Variants in ANO4 observed in about 807,000 individuals in gnomAD.
ANO4 encodes the protein anoctamin-4.
In ANO4, 69 loss-of-function variants were observed where a neutral mutation model predicts 141.9. The ratio of observed to expected loss-of-function variants is 0.49; its 90% confidence interval spans 0.40 to 0.59. The LOEUF is 0.59. ANO4 is among the 20% of genes least tolerant of loss of function. The pLI is 0.00. For missense variants in ANO4, 894 were observed against 1,162.2 expected, an observed-to-expected ratio of 0.77 and a Z score of 3.36; for synonymous variants, 350 against 394.3, an observed-to-expected ratio of 0.89 and a Z score of 1.33.
At chr12:100,884,843 C>T (rs371220616) in intron 1 of ANO4, among the ~76,000 whole-genome samples, 1 of 152,162 alleles carries the variant, frequency 6.6e-6, no homozygotes, top group Admixed American at 6.5e-5. Flanking sequence ...TACAGGCATG[C>T]GCAACCATGC....
At chr12:100,919,874 A>G (rs906842738) in intron 2 of ANO4, among the ~76,000 whole-genome samples, 15 of 151,966 alleles carry the variant, frequency 9.9e-5, no homozygotes, top group African/African-American at 3.1e-4. Flanking sequence ...TTGAAGACAG[A>G]ATTTAATGGC....
intron 3 of ANO4, among the ~76,000 whole-genome samples, chr12:100,747,193 G>A (rs747438528): frequency 6.6e-6 from 1 of 152,190 alleles, no homozygotes; most frequent in Non-Finnish European, 1.5e-5. Flanking sequence ...CTGAAGCTCT[G>A]CTTAGTGGCA....
chr12:100,980,876 T>C (rs2044428875), intron 7 of ANO4, among the ~76,000 whole-genome samples: 1 of 152,156 alleles, frequency 6.6e-6, no homozygotes, highest in South Asian at 2.1e-4. Flanking sequence ...GAGGAATTTA[T>C]CATCTTTTGG....
intron 3 of ANO4, among the ~76,000 whole-genome samples, chr12:100,747,256 G>C (rs2032151984): frequency 6.6e-6 from 1 of 152,106 alleles, no homozygotes; most frequent in Admixed American, 6.5e-5. Flanking sequence ...TAATGCATTT[G>C]ATCCTATTTT....
intron 14 of ANO4, among the ~76,000 whole-genome samples, chr12:101,056,854 C>T (rs1412380405): frequency 6.7e-6 from 1 of 149,136 alleles, no homozygotes; most frequent in Non-Finnish European, 1.5e-5. Context: ...CTGTTTCTTT[C>T]TTTCTTTTAT....
intron 16 of ANO4, among the ~76,000 whole-genome samples, chr12:101,086,096 G>GTGTGTGTA (rs1271797114): frequency 1.3e-5 from 2 of 149,276 alleles, no homozygotes. Context: ...GTGTGTGTGT[G>GTGTGTGTA]TGTGTGTGTG....
chr12:100,919,670 CTGTG>C (rs63330161), intron 2 of ANO4, among the ~76,000 whole-genome samples: 2,212 of 139,556 alleles, frequency 0.016, 34 homozygotes, highest in African/African-American at 0.037. Flanking sequence ...GGACATGTCT[CTGTG>C]TGTGTGTGTG....
chr12:100,801,646 G>T (rs899626867), intron 1 of ANO4, among the ~76,000 whole-genome samples: 1 of 151,578 alleles, frequency 6.6e-6, no homozygotes, highest in African/African-American at 2.4e-5. Flanking sequence ...GATAAGGCAG[G>T]GGGTAGAAAG....
chr12:100,946,580 A>C (rs2136191096), intron 5 of ANO4, among the ~76,000 whole-genome samples: 1 of 152,314 alleles, frequency 6.6e-6, no homozygotes, highest in South Asian at 2.1e-4. Context: ...AGTTGGGAGA[A>C]GACAGTTGCC....
intron 14 of ANO4, among the ~76,000 whole-genome samples, chr12:101,053,134 G>A (rs1303709540): frequency 2.6e-5 from 4 of 152,192 alleles, no homozygotes; most frequent in Admixed American, 2.6e-4. Context: ...ATAATACAGG[G>A]CAAGTCCAAT....
intron 1 of ANO4, among the ~76,000 whole-genome samples, chr12:100,866,823 G>A (rs952797782): frequency 6.6e-6 from 1 of 152,316 alleles, no homozygotes; most frequent in Non-Finnish European, 1.5e-5. Flanking sequence ...TCCTGGTCCT[G>A]TGCATTCTGG....
At chr12:101,125,915 G>A (rs2137079675) in intron 26 of ANO4, among the ~76,000 whole-genome samples, 1 of 152,276 alleles carries the variant, frequency 6.6e-6, no homozygotes. Context: ...ATGAGTTAAG[G>A]AGGAGTCCCT....
intron 26 of ANO4, among the ~76,000 whole-genome samples, chr12:101,122,962 TA>T (rs1321358546): frequency 1.3e-5 from 2 of 152,170 alleles, no homozygotes; most frequent in African/African-American, 4.8e-5. Context: ...TATATGTCAA[TA>T]AAAATATATT....
At chr12:101,109,130 G>C (rs1460544091) in intron 22 of ANO4, among the ~76,000 whole-genome samples, 1 of 152,158 alleles carries the variant, frequency 6.6e-6, no homozygotes, top group Non-Finnish European at 1.5e-5. Context: ...TCGTGCGTTT[G>C]CACAATTGGG....
chr12:100,828,601 C>T (rs2036483195), intron 1 of ANO4, among the ~76,000 whole-genome samples: 2 of 151,958 alleles, frequency 1.3e-5, no homozygotes, highest in Admixed American at 1.3e-4. Flanking sequence ...CCACCTTATT[C>T]TTTATATCTT....
Position 101,079,230 on chromosome 12 carries a change from AGT to A in ANO4, c.1351_1352del (p.Val451AsnfsTer4). The A allele has an allele frequency of 6.2e-7, 1 of 1,614,056 alleles. No individual in the cohort carries two copies. ...TGGAGTTTTGGAAAAGACGGCGAGC[AGT>A]AATTGCTTATGACTGGGATTTGATA... ...FLEFWKRRRA[V>X]IAYDWDLIDW... On this transcript the variant is annotated frameshift_variant, in exon 15 of 28. Coordinates refer to ENST00000392977, the MANE Select transcript of ANO4 (RefSeq NM_001286615.2). LOFTEE classifies it high-confidence loss of function.
chr12:100,960,093 G>A (rs948544170), intron 5 of ANO4, among the ~76,000 whole-genome samples: 1 of 152,116 alleles, frequency 6.6e-6, no homozygotes, highest in African/African-American at 2.4e-5. Flanking sequence ...CAGCTCAATG[G>A]CTAGAGCTCA....
At chr12:100,979,276 G>A (rs1191066537) in intron 7 of ANO4, among the ~76,000 whole-genome samples, 2 of 152,154 alleles carry the variant, frequency 1.3e-5, no homozygotes, top group Non-Finnish European at 2.9e-5. Flanking sequence ...TCTCCATGGA[G>A]TGATGGTTCT....
chr12:101,049,485 A>ATT (rs61274909), intron 14 of ANO4, among the ~76,000 whole-genome samples: 2 of 142,102 alleles, frequency 1.4e-5, no homozygotes, highest in Non-Finnish European at 3.1e-5. Flanking sequence ...GAGATCTCAT[A>ATT]TTTTTTTTTT....
Sources: allele counts gnomAD v4.1 joint callset (sites outside exome capture counted in the v4.1 genomes callset), GRCh38; gene constraint gnomAD v4.1.1; transcripts MANE v1.5; gene names NCBI Gene and HGNC (gene_info 2026-07-23, HGNC 2026-07-21).